CYTH2: variants seen among roughly 807,000 people sequenced by gnomAD.
CYTH2 encodes cytohesin-2.
A neutral mutation model predicts 55.4 loss-of-function variants in CYTH2; 24 were observed. The ratio of observed to expected loss-of-function variants is 0.43; its 90% CI spans 0.31 to 0.61. The LOEUF (loss-of-function observed/expected upper bound fraction) is 0.61. Ranked by LOEUF, CYTH2 falls within the 20% of genes least tolerant of loss-of-function variation. The pLI is 0.08. For synonymous variants in CYTH2, 221 were observed against 209.6 expected, an observed-to-expected ratio of 1.05 and a Z score of -0.47; for missense variants, 378 against 533.5, an observed-to-expected ratio of 0.71 and a Z score of 2.87.
At chr19:48,477,818 G>T (rs901940876) in intron 8 of CYTH2, 3 of 512,184 alleles carry the variant, frequency 5.9e-6, no homozygotes, top group South Asian at 3.0e-5. Flanking sequence ...GGAGGAGGGG[G>T]CTGGGGGCTC....
At chr19:48,472,190 C>T (rs1281700285) in intron 3 of CYTH2, 135 bp from the exon 4 acceptor site, 3 of 723,054 alleles carry the variant, frequency 4.1e-6, no homozygotes, top group Middle Eastern at 7.9e-4. Flanking sequence ...TATTTAAGAC[C>T]TGTGAGAAGG....
rs188016807 is a variant in CYTH2 at position 48,473,249 on chromosome 19, C to T, written c.354-49C>T. On this transcript the variant is annotated intron_variant, in intron 4 of 11. Coordinates refer to ENST00000452733, the MANE Select transcript of CYTH2 (RefSeq NM_004228.7). Reference sequence around the variant, plus strand: ...CCCAGGGCATTGCCCTTTGCCCATTCCTGCCCCATCCTTTCCAAACTGTAT... The same window carrying T: ...CCCAGGGCATTGCCCTTTGCCCATTTCTGCCCCATCCTTTCCAAACTGTAT... 5 of 1,601,946 alleles carry T rather than the reference C, an allele frequency of 3.1e-6. No homozygotes were observed. The Admixed American group carries it at 6.7e-5, about 21-fold the overall frequency.
chr19:48,469,984 G>A (rs1401731496), intron 1 of CYTH2: 4 of 557,822 alleles, frequency 7.2e-6, no homozygotes, highest in Non-Finnish European at 1.1e-5. Context: ...CGGATAACCA[G>A]GTCCCCAGCT....
At position 48,478,338 on chromosome 19, in the gene CYTH2, C is replaced by T. The variant is rs1166579756; in HGVS notation, c.949C>T (p.Arg317Trp). ...NLSIREVDDPRKPNCFELYIP... is the reference protein window; with the variant it reads ...NLSIREVDDPWKPNCFELYIP... ...GAGCATCCGAGAGGTGGACGACCCC[C>T]GGAAACCGGTAAGACCCTCTCTGTA... The change falls in exon 10 of 12, where the codon CGG (arginine) becomes TGG (tryptophan). Residue 317 changes from arginine (R) to tryptophan (W), a missense_variant. By Grantham distance (101) the Arg-to-Trp change is moderately radical (BLOSUM62 -3). Coordinates refer to ENST00000452733, the MANE Select transcript of CYTH2 (RefSeq NM_004228.7). 8 of 1,614,098 alleles carry T rather than the reference C, an allele frequency of 5.0e-6. No individual in the cohort carries two copies. The highest frequency in any genetic ancestry group is 1.3e-5 in the African/African-American group (1 of 75,034).
intron 1 of CYTH2, chr19:48,469,989 C>A (rs1199260054): frequency 5.4e-6 from 3 of 559,778 alleles, no homozygotes. Flanking sequence ...AACCAGGTCC[C>A]CAGCTACCTC....
At position 48,478,561 on chromosome 19, in the gene CYTH2, G is replaced by A; in HGVS notation, c.1081G>A (p.Glu361Lys). 6.2e-7 allele frequency: 1 copy of A among 1,613,598 alleles called. No individual in the cohort carries two copies. Among genetic ancestry groups the A allele is most frequent in the African/African-American group, 1.3e-5 (1 of 75,020 alleles). ...MVYRISAPTQ[E>K]EKDEWIKSIQ... is the part of the protein sequence containing the mutation. ...GTACCGGATCTCGGCCCCCACGCAG[G>A]AGGAGAAGGACGAGTGGATCAAGTC... The change falls in exon 11 of 12, where the codon GAG becomes AAG. Residue 361 changes from glutamate (E) to lysine (K), a missense_variant. Physicochemically the swap from Glu to Lys is moderately conservative, Grantham distance 56. Coordinates refer to ENST00000452733, the MANE Select transcript of CYTH2 (RefSeq NM_004228.7).
At position 48,470,441 on chromosome 19, in the gene CYTH2, GC is replaced by G; in HGVS notation, c.109del (p.Arg37GlyfsTer8). 1 of 1,614,142 alleles carries G rather than the reference GC, an allele frequency of 6.2e-7. No homozygotes were observed. Among genetic ancestry groups the G allele is most frequent in the Non-Finnish European group, 8.5e-7 (1 of 1,180,028 alleles). On this transcript the variant is annotated frameshift_variant, in exon 2 of 12. Coordinates refer to ENST00000452733, the MANE Select transcript of CYTH2 (RefSeq NM_004228.7). LOFTEE classifies it high-confidence loss of function. ...QELLVEIQRL[R>X]EELSEAMSEV... ...AGCTGCTGGTGGAGATTCAGCGCCT[GC>G]GGGAGGAGCTCAGTGAAGCCATGAG...
rs550245290 is a variant in CYTH2 at position 48,469,486 on chromosome 19, C to T, written c.-22C>T. ...CGACTGGCGGGACCGCCCCGGATTC[C>T]CCGCGGGCCTTCCTAGCCGCCATGG... On this transcript the variant is annotated 5_prime_UTR_variant, in exon 1 of 12. Coordinates refer to ENST00000452733, the MANE Select transcript of CYTH2 (RefSeq NM_004228.7). 334 of 1,318,392 alleles carry T rather than the reference C, an allele frequency of 2.5e-4. No individual in the cohort carries two copies. In the African/African-American group the frequency reaches 4.0e-3, roughly 16 times the overall value. The allele number at this position is 1,318,392 out of a possible 1,614,324, so 81.7% of individuals were successfully genotyped here.
chr19:48,481,855 G>A lies in CYTH2; in HGVS notation c.*2645G>A, dbSNP rs894059074. ...GGTGGCAATGGTTTGGATATCGTTT[G>A]TCCTCACTAAAATTCATGTTGAGAT... is the stretch of plus-strand genomic sequence containing the variant. On this transcript the variant is annotated 3_prime_UTR_variant, in exon 12 of 12. Coordinates refer to ENST00000452733, the MANE Select transcript of CYTH2 (RefSeq NM_004228.7). The A allele has an allele frequency of 6.6e-6, 1 of 152,448 alleles. No individual in the cohort carries two copies. Among genetic ancestry groups the A allele is most frequent in the African/African-American group, 2.4e-5 (1 of 41,410 alleles). 9.4% of individuals were successfully genotyped at this position (152,448 alleles called of 1,614,324 possible).
rs201243576 is a variant in CYTH2 at position 48,478,183 on chromosome 19, G to A, written c.885+38G>A. 8.2e-5 allele frequency: 133 copies of A among 1,612,198 alleles called. No individual in the cohort carries two copies. The African/African-American group carries it at 1.5e-3, about 18-fold the overall frequency. On this transcript the variant is annotated intron_variant, in intron 9 of 11. Coordinates refer to ENST00000452733, the MANE Select transcript of CYTH2 (RefSeq NM_004228.7). ...CGACCCGGGCTCTGGGGTCCTGGGC[G>A]GAGTGGCTGGGAGCCTGGACTCCTG...
rs750127655 is a variant in CYTH2, at chr19:48,470,623, G to A, written c.188G>A (p.Arg63Gln). ...NEGSKTLQRN[R>Q]KMAMGRKKFN... ...TGCAGTAAGACCTTGCAACGGAACC[G>A]GAAGATGGCAATGGGCAGGAAGAAG... is the stretch of plus-strand genomic sequence containing the variant. Residue 63 changes from arginine (R) to glutamine (Q), a missense_variant, in exon 3 of 12, where the codon CGG becomes CAG. Physicochemically the swap from Arg to Gln is conservative, Grantham distance 43. Coordinates refer to ENST00000452733, the MANE Select transcript of CYTH2 (RefSeq NM_004228.7). 9.3e-6 allele frequency: 15 copies of A among 1,614,094 alleles called. No individual in the cohort carries two copies. In the South Asian group the frequency reaches 9.9e-5, roughly 11 times the overall value.
At position 48,478,904 on chromosome 19, in the gene CYTH2, G is replaced by C. The variant is rs867521735; in HGVS notation, c.1113-219G>C. The stretch of plus-strand genomic sequence containing the variant: ...GGGCCGGGGGCCTGGACTCCTGGGT[G>C]TGAGGGAGGAGGGGCCGGGGGCCTG... On this transcript the variant is annotated intron_variant, in intron 11 of 11. Coordinates refer to ENST00000452733, the MANE Select transcript of CYTH2 (RefSeq NM_004228.7). 8.3e-3 allele frequency among the ~76,000 whole-genome samples: 960 copies of C among 115,758 alleles called. 4 individuals are homozygous for C. The highest frequency in any genetic ancestry group is 0.015 in the African/African-American group (316 of 21,372). 75.9% of individuals were successfully genotyped at this position (115,758 alleles called of 152,430 possible). A position where few individuals can be genotyped will look rare whatever the true frequency, so the allele number is the denominator to read the frequency against.
At position 48,478,045 on chromosome 19, in the gene CYTH2, CCCCTCCCACCCCTT is replaced by C; in HGVS notation, c.809-19_809-6del. ...CCCTGTCCCCCTGTTGAGCCCAGGC[CCCCTCCCACCCCTT>C]CCCTTTCAGGGGGCCGGGTGAAGAC... On this transcript the variant is annotated splice_polypyrimidine_tract_variant and intron_variant, in intron 8 of 11. Transcript: ENST00000452733. 6.2e-7 allele frequency: 1 copy of C among 1,609,498 alleles called. No individual in the cohort carries two copies. The highest frequency in any genetic ancestry group is 8.5e-7 in the Non-Finnish European group (1 of 1,176,382).
Position 48,479,113 on chromosome 19 carries a change from C to T in CYTH2, c.1113-10C>T. 1.2e-6 allele frequency: 2 copies of T among 1,613,920 alleles called. No individual in the cohort carries two copies. The highest frequency in any genetic ancestry group is 8.5e-7 in the Non-Finnish European group (1 of 1,179,868). On this transcript the variant is annotated splice_polypyrimidine_tract_variant and intron_variant, in intron 11 of 11. Transcript: ENST00000452733. ...TTGGCCCTCATCCTGGGACCCCTCC[C>T]CTTCTGCAGGGCGGCTGTGAGTGTG...
rs1474001752 is a variant in CYTH2, at chr19:48,474,705, C to T, written c.697-133C>T. On this transcript the variant is annotated intron_variant, in intron 7 of 11. Transcript: ENST00000452733. The surrounding 1 kb of genome is among the most constrained non-coding windows in gnomAD (Gnocchi z 4.9). ...CCCTCCACTTCTCTGCCTTTCACTT[C>T]CCTCTCCTCCCCACTACCCCTCTCT... 1.4e-6 allele frequency: 1 copy of T among 735,224 alleles called. No homozygotes were observed. The highest frequency in any genetic ancestry group is 2.3e-6 in the Non-Finnish European group (1 of 434,372). The allele number at this position is 735,224 out of a possible 1,614,324, so 45.5% of individuals were successfully genotyped here.
intron 8 of CYTH2, chr19:48,475,263 G>A: frequency 3.0e-6 from 1 of 330,806 alleles, no homozygotes; most frequent in Non-Finnish European, 5.6e-6. Context: ...CGTGGGAGAA[G>A]AGTTCACTCA....
intron 1 of CYTH2, chr19:48,470,151 C>A (rs2147501637): frequency 4.7e-6 from 4 of 856,510 alleles, no homozygotes; most frequent in Non-Finnish European, 5.8e-6. Flanking sequence ...GCCCCAATTC[C>A]CCTTGTCCCC....
chr19:48,473,198 TG>T, intron 4 of CYTH2, 99 bp from the exon 5 acceptor site: 1 of 1,290,134 alleles, frequency 7.8e-7, no homozygotes. Context: ...TGGGCAGCTG[TG>T]GTGCAGTAGA....
At position 48,474,205 on chromosome 19, in the gene CYTH2, G is replaced by T. The variant is rs753565456; in HGVS notation, c.571G>T (p.Ala191Ser). The change falls in exon 7 of 12, where the codon GCC becomes TCC. Residue 191 changes from alanine to serine, a missense_variant. Coordinates refer to ENST00000452733, the MANE Select transcript of CYTH2 (RefSeq NM_004228.7). This position sits in a 1 kb window ranked among gnomAD's most constrained non-coding sequence, Gnocchi z 4.9. ...STDTCYVLSF[A>S]VIMLNTSLHN... Reference sequence around the variant, plus strand: ...AGACACGTGCTATGTGCTGTCCTTCGCCGTCATCATGCTCAACACCAGTCT... The same window carrying T: ...AGACACGTGCTATGTGCTGTCCTTCTCCGTCATCATGCTCAACACCAGTCT... 8 of 1,606,868 alleles carry T rather than the reference G, an allele frequency of 5.0e-6. No individual in the cohort carries two copies. In the Admixed American group the frequency reaches 1.2e-4, roughly 24 times the overall value.
Sources: gnomAD v4.1 joint callset for allele counts (sites outside exome capture counted in the v4.1 genomes callset) on GRCh38, gnomAD v4.1.1 for gene constraint, Gnocchi (gnomAD v3.1) non-coding constraint, MANE v1.5 for transcripts, NCBI Gene and HGNC (gene_info 2026-07-23, HGNC 2026-07-21) for gene names.